ARFGEF2: variants seen among roughly 807,000 people sequenced by gnomAD.
The protein encoded by ARFGEF2 is brefeldin A-inhibited guanine nucleotide-exchange protein 2.
Under a neutral mutation model 219.9 loss-of-function variants are expected in ARFGEF2, and 74 were observed. The ratio of observed to expected loss-of-function variants is 0.34; its 90% confidence interval spans 0.28 to 0.41. ARFGEF2 has a LOEUF of 0.41. Among genes scored for constraint, ARFGEF2 ranks in the 10% least tolerant of loss-of-function variants. The pLI, the probability that ARFGEF2 is intolerant of heterozygous loss-of-function variation, is 1.00. For missense variants in ARFGEF2, 1,743 were observed against 2,218.3 expected (o/e 0.79, Z 4.30); for synonymous variants, 733 against 799.2 (o/e 0.92, Z 1.40).
At chr20:49,004,392 A>G (rs1384117009) in intron 25 of ARFGEF2, among the ~76,000 whole-genome samples, 2 of 152,224 alleles carry the variant, frequency 1.3e-5, no homozygotes, top group East Asian at 1.9e-4. Context: ...ATGAATGTAT[A>G]CTACTGAACT....
At chr20:48,955,594 A>G in intron 6 of ARFGEF2, among the ~76,000 whole-genome samples, 1 of 152,218 alleles carries the variant, frequency 6.6e-6, no homozygotes, top group Admixed American at 6.5e-5. Flanking sequence ...AAACGCAGTA[A>G]CTTGAAGTTC....
intron 3 of ARFGEF2, among the ~76,000 whole-genome samples, chr20:48,946,173 C>T (rs893148269): frequency 2.6e-5 from 4 of 152,188 alleles, no homozygotes; most frequent in Non-Finnish European, 4.4e-5. Context: ...AAACCAGCTG[C>T]AGATACATCA....
At chr20:48,942,372 A>C (rs1269255821) in intron 3 of ARFGEF2, among the ~76,000 whole-genome samples, 1 of 150,098 alleles carries the variant, frequency 6.7e-6, no homozygotes, top group Non-Finnish European at 1.5e-5. Context: ...CTGGTCTTAC[A>C]CTTCTGGCCT....
Position 48,923,820 on chromosome 20 carries a change from A to T in ARFGEF2, c.121+1810A>T, listed in dbSNP as rs527704839. Among the ~76,000 whole-genome samples, 22 of 152,368 alleles carry T rather than the reference A, an allele frequency of 1.4e-4. No individual in the cohort carries two copies. In the East Asian group the frequency reaches 4.2e-3, roughly 29 times the overall value. On this transcript the variant is annotated intron_variant, in intron 1 of 38. Transcript: ENST00000371917. Reference sequence around the variant, plus strand: ...ATTGGAACCTACTTATAAAATTTTCATCTGGGTCATGAAGGGCCATTAACG... The same window carrying T: ...ATTGGAACCTACTTATAAAATTTTCTTCTGGGTCATGAAGGGCCATTAACG...
rs2123425421 is a variant in ARFGEF2, at chr20:48,974,799, C to G, written c.1699C>G (p.Leu567Val). 6.2e-7 allele frequency: 1 copy of G among 1,613,922 alleles called. No homozygotes were observed. Among genetic ancestry groups the G allele is most frequent in the Non-Finnish European group, 8.5e-7 (1 of 1,179,928 alleles). The change falls in exon 13 of 39, where the codon CTC becomes GTC. Residue 567 changes from leucine (L) to valine (V), a missense_variant. Leu to Val is a conservative substitution (Grantham distance 32). Coordinates refer to ENST00000371917, the MANE Select transcript of ARFGEF2 (RefSeq NM_006420.3). ...CCTGAGGAAGAAAGGCCTGGAGTGC[C>G]TCGTGTCCATTCTCAAGTGCATGGT... ...LSLRKKGLEC[L>V]VSILKCMVEW... is the part of the protein sequence containing the mutation.
At chr20:49,021,768 C>T (rs975695968) in intron 34 of ARFGEF2, among the ~76,000 whole-genome samples, 2 of 151,478 alleles carry the variant, frequency 1.3e-5, no homozygotes, top group African/African-American at 2.4e-5. Context: ...ATTGCTTGAA[C>T]CTGAAGGCGG....
intron 20 of ARFGEF2, 38 bp downstream of exon 20, chr20:48,989,722 GGTTGTGCTCTTTTAGAT>G: frequency 6.2e-7 from 1 of 1,613,296 alleles, no homozygotes; most frequent in South Asian, 1.1e-5. Flanking sequence ...GATACTGGTG[GGTTGTGCTCTTTTAGAT>G]TTGGCAAAAC....
At chr20:49,002,964 C>T (rs1353619039) in intron 25 of ARFGEF2, among the ~76,000 whole-genome samples, 1 of 112,672 alleles carries the variant, frequency 8.9e-6, no homozygotes, top group Non-Finnish European at 1.8e-5. Context: ...ATTTTTTTAA[C>T]TTTTTTTTTT....
intron 1 of ARFGEF2, among the ~76,000 whole-genome samples, chr20:48,935,623 G>C (rs1004112548): frequency 6.6e-6 from 1 of 152,238 alleles, no homozygotes. Flanking sequence ...CCTTGCAGAC[G>C]GGGTGGTGGC....
At chr20:48,986,580 C>T (rs1307765769) in intron 16 of ARFGEF2, among the ~76,000 whole-genome samples, 1 of 151,936 alleles carries the variant, frequency 6.6e-6, no homozygotes, top group Non-Finnish European at 1.5e-5. Flanking sequence ...CACCACTGCA[C>T]ACCAGCCTGG....
intron 36 of ARFGEF2, among the ~76,000 whole-genome samples, 165 bp downstream of exon 36, chr20:49,025,646 G>A (rs993566710): frequency 1.3e-5 from 2 of 152,172 alleles, no homozygotes; most frequent in African/African-American, 4.8e-5. Flanking sequence ...TTTCATCCCA[G>A]TACATGGTAG....
chr20:49,025,585 T>C, intron 36 of ARFGEF2, 104 bp downstream of exon 36: 1 of 1,277,004 alleles, frequency 7.8e-7, no homozygotes, highest in Non-Finnish European at 1.1e-6. Flanking sequence ...CTAGAATAAC[T>C]TAACAGATAT....
chr20:49,018,869 C>T lies in ARFGEF2; in HGVS notation c.4510-15C>T. ...AGAAAAGTGAGCATTGTGTTTCCCT[C>T]TGGTTTACATTTAGGATGTGGATCT... On this transcript the variant is annotated splice_polypyrimidine_tract_variant and intron_variant, in intron 33 of 38. Transcript: ENST00000371917. 3 of 1,605,078 alleles carry T rather than the reference C, an allele frequency of 1.9e-6. No individual in the cohort carries two copies. Among genetic ancestry groups the T allele is most frequent in the Non-Finnish European group, 2.6e-6 (3 of 1,172,034 alleles).
intron 10 of ARFGEF2, 55 bp from the exon 11 acceptor site, chr20:48,972,271 T>C (rs2091233030): frequency 7.6e-7 from 1 of 1,321,862 alleles, no homozygotes; most frequent in Non-Finnish European, 1.1e-6. Context: ...TTGGAGGTTT[T>C]GAGCCCTGGT....
At chr20:48,942,472 GGTT>G (rs2090998911) in intron 3 of ARFGEF2, among the ~76,000 whole-genome samples, 1 of 116,922 alleles carries the variant, frequency 8.6e-6, no homozygotes, top group African/African-American at 3.4e-5. Context: ...TTTCTTACTT[GGTT>G]TTTTTTTTTT....
intron 21 of ARFGEF2, among the ~76,000 whole-genome samples, chr20:48,992,725 A>G (rs769913062): frequency 6.6e-6 from 1 of 151,926 alleles, no homozygotes; most frequent in Non-Finnish European, 1.5e-5. Context: ...CTCTGTCACA[A>G]CTCTGAGTAG....
chr20:48,938,573 T>C (rs948072361), intron 1 of ARFGEF2, among the ~76,000 whole-genome samples: 1 of 152,252 alleles, frequency 6.6e-6, no homozygotes, highest in Non-Finnish European at 1.5e-5. Flanking sequence ...TTAGGAACAT[T>C]TGAATTATTC....
intron 26 of ARFGEF2, among the ~76,000 whole-genome samples, chr20:49,007,290 CTTT>C (rs11483342): frequency 7.3e-6 from 1 of 137,658 alleles, no homozygotes; most frequent in African/African-American, 2.7e-5. Context: ...CAGCCTGGAT[CTTT>C]TTTTTTTTTT....
chr20:48,936,283 TGGCCAGGCGGGG>T (rs963417743), intron 1 of ARFGEF2, among the ~76,000 whole-genome samples: 2 of 137,156 alleles, frequency 1.5e-5, no homozygotes, highest in Non-Finnish European at 3.1e-5. Context: ...ACGGGGCGGC[TGGCCAGGCGGGG>T]GGCTGACCCC....
Sources: allele counts gnomAD v4.1 joint callset (sites outside exome capture counted in the v4.1 genomes callset), GRCh38; gene constraint gnomAD v4.1.1; transcripts MANE v1.5; gene names NCBI Gene and HGNC (gene_info 2026-07-23, HGNC 2026-07-21).